NIPBL: variants seen among roughly 807,000 people sequenced by gnomAD.
NIPBL encodes the protein nipped-B-like protein.
NIPBL carries 19 observed loss-of-function variants against 321.8 expected under a neutral mutation model. That is an observed-to-expected ratio of 0.06 (90% confidence interval 0.04 to 0.09). NIPBL has a LOEUF of 0.09. Among genes scored for constraint, NIPBL ranks in the 10% least tolerant of loss-of-function variants. The probability of loss-of-function intolerance (pLI) is 1.00; values close to 1 mark genes in which losing one functional copy is unlikely to be tolerated. For synonymous variants in NIPBL, 1,106 were observed against 1,114.1 expected, an observed-to-expected ratio of 0.99 and a Z score of 0.14; for missense variants, 2,210 against 3,327.0, an observed-to-expected ratio of 0.66 and a Z score of 8.26.
At chr5:36,885,820 C>T in intron 1 of NIPBL, 1 of 664,538 alleles carries the variant, frequency 1.5e-6, no homozygotes, top group Non-Finnish European at 2.8e-6. Context: ...TCGAGGCTCT[C>T]AGGGAGGAGC....
intron 1 of NIPBL, among the ~76,000 whole-genome samples, chr5:36,883,758 G>A (rs916310637): frequency 2.0e-5 from 3 of 151,278 alleles, no homozygotes; most frequent in African/African-American, 7.3e-5. Flanking sequence ...GAATCAGATT[G>A]TGGGTTGCCA....
At chr5:37,009,635 A>C (rs895908637) in intron 20 of NIPBL, among the ~76,000 whole-genome samples, 1 of 152,244 alleles carries the variant, frequency 6.6e-6, no homozygotes, top group Non-Finnish European at 1.5e-5. Flanking sequence ...AAGATGTGGA[A>C]ATTGATTTTT....
intron 1 of NIPBL, among the ~76,000 whole-genome samples, chr5:36,913,001 A>G (rs963553322): frequency 2.6e-5 from 4 of 152,188 alleles, no homozygotes; most frequent in Admixed American, 6.5e-5. Flanking sequence ...GTTTTCAACA[A>G]TGTGTGTCTT....
intron 1 of NIPBL, among the ~76,000 whole-genome samples, chr5:36,944,718 G>A (rs1353139939): frequency 4.0e-5 from 6 of 151,496 alleles, no homozygotes; most frequent in Non-Finnish European, 5.9e-5. Context: ...GAAGAATCTG[G>A]CCAATCTTTG....
At chr5:37,040,544 G>C (rs1284802911) in intron 34 of NIPBL, among the ~76,000 whole-genome samples, 1 of 152,086 alleles carries the variant, frequency 6.6e-6, no homozygotes, top group Admixed American at 6.6e-5. Context: ...CCTTGTTTTA[G>C]ATGGCTATAT....
At chr5:37,062,003 G>A (rs1020949462) in intron 45 of NIPBL, among the ~76,000 whole-genome samples, 5 of 152,046 alleles carry the variant, frequency 3.3e-5, no homozygotes, top group African/African-American at 9.7e-5. Context: ...CACCACGCCC[G>A]GCTAATTTTT....
chr5:36,886,349 G>A (rs1176906015), intron 1 of NIPBL: 8 of 704,144 alleles, frequency 1.1e-5, no homozygotes, highest in Non-Finnish European at 1.3e-5. Flanking sequence ...ACCTGCCACC[G>A]CCTGCTTGAA....
chr5:36,917,816 C>A (rs1748592073), intron 1 of NIPBL, among the ~76,000 whole-genome samples: 2 of 151,736 alleles, frequency 1.3e-5, no homozygotes, highest in Non-Finnish European at 2.9e-5. Flanking sequence ...TCAGGTTTGT[C>A]AAAAATCAGA....
At chr5:36,897,888 GAAAAAAA>G (rs34089902) in intron 1 of NIPBL, among the ~76,000 whole-genome samples, 1 of 96,786 alleles carries the variant, frequency 1.0e-5, no homozygotes. Context: ...GTCATACAGG[GAAAAAAA>G]AAAAAAAAAA....
Position 36,985,590 on chromosome 5 carries a change from A to C in NIPBL, c.2410A>C (p.Arg804=). Residue 804 remains arginine (R), a synonymous_variant, in exon 10 of 47, where the codon AGA becomes CGA. Coordinates refer to ENST00000282516, the MANE Select transcript of NIPBL (RefSeq NM_133433.4). The part of the protein sequence containing the change: ...KSERAEALKQ[R]PDGRSVSESL... ...AGAACGAGCTGAAGCCTTAAAGCAG[A>C]GACCTGATGGGCGATCTGTTTCTGA... is the stretch of plus-strand genomic sequence containing the variant. The C allele has an allele frequency of 6.2e-7, 1 of 1,613,964 alleles. No homozygotes were observed. The highest frequency in any genetic ancestry group is 8.5e-7 in the Non-Finnish European group (1 of 1,179,968).
intron 10 of NIPBL, among the ~76,000 whole-genome samples, chr5:36,991,992 C>G (rs1745579113): frequency 6.6e-6 from 1 of 151,928 alleles, no homozygotes; most frequent in Non-Finnish European, 1.5e-5. Flanking sequence ...TTTTAATAAT[C>G]TGGCAAGTGC....
rs1745112175 is a variant in NIPBL at position 36,877,040 on chromosome 5, G to A, written c.-218G>A. The A allele has an allele frequency of 2.8e-6, 1 of 358,718 alleles. No individual in the cohort carries two copies. The highest frequency in any genetic ancestry group is 2.1e-5 in the African/African-American group (1 of 46,962). 22.2% of individuals were successfully genotyped at this position (358,718 alleles called of 1,614,324 possible). A position where few individuals can be genotyped will look rare whatever the true frequency, so the allele number is the denominator to read the frequency against. ...AAGCAACGATTTGTCTTCTCGGCTG[G>A]TCTCCCCCCGGCTCTACATGTTCCC... is the stretch of plus-strand genomic sequence containing the variant. On this transcript the variant is annotated 5_prime_UTR_variant, in exon 1 of 47. An upstream open reading frame in the 5' UTR gains an earlier in-frame stop. Transcript: ENST00000282516.
intron 21 of NIPBL, 76 bp downstream of exon 21, chr5:37,010,301 A>C: frequency 7.9e-7 from 1 of 1,259,832 alleles, no homozygotes; most frequent in Non-Finnish European, 1.1e-6. Flanking sequence ...ATTCTTATAA[A>C]ACTGAAGTTC....
intron 1 of NIPBL, among the ~76,000 whole-genome samples, chr5:36,896,826 C>T (rs1420019080): frequency 6.6e-6 from 1 of 152,120 alleles, no homozygotes; most frequent in Non-Finnish European, 1.5e-5. Context: ...TCTCGAACTC[C>T]TGGCCTCAAG....
intron 1 of NIPBL, among the ~76,000 whole-genome samples, chr5:36,916,193 G>T (rs1171974197): frequency 6.6e-6 from 1 of 152,106 alleles, no homozygotes; most frequent in Non-Finnish European, 1.5e-5. Flanking sequence ...TTGCCTTTTG[G>T]CAAGTTTCCT....
intron 1 of NIPBL, among the ~76,000 whole-genome samples, chr5:36,939,514 C>G (rs966230086): frequency 6.6e-6 from 1 of 152,142 alleles, no homozygotes; most frequent in Non-Finnish European, 1.5e-5. Flanking sequence ...TGTAGTATGG[C>G]TCTACCATCG....
chr5:36,901,573 G>A (rs1173841121), intron 1 of NIPBL, among the ~76,000 whole-genome samples: 6 of 130,294 alleles, frequency 4.6e-5, no homozygotes, highest in Non-Finnish European at 7.7e-5. Flanking sequence ...GCAATGGCAC[G>A]ATCTTGGCTC....
chr5:36,901,943 G>A (rs1747261999), intron 1 of NIPBL, among the ~76,000 whole-genome samples: 1 of 152,086 alleles, frequency 6.6e-6, no homozygotes, highest in Admixed American at 6.6e-5. Context: ...TTTTAGAATA[G>A]CCATTCTGAC....
intron 16 of NIPBL, 73 bp downstream of exon 16, chr5:37,003,420 ATTG>A: frequency 1.2e-6 from 1 of 857,136 alleles, no homozygotes; most frequent in Non-Finnish European, 1.9e-6. Flanking sequence ...CCACTTCTCT[ATTG>A]TTTCATTTTC....
Sources: allele counts gnomAD v4.1 joint callset (sites outside exome capture counted in the v4.1 genomes callset), GRCh38; gene constraint gnomAD v4.1.1; transcripts MANE v1.5; gene names NCBI Gene and HGNC (gene_info 2026-07-23, HGNC 2026-07-21).